LEKR1: variants seen among roughly 807,000 people sequenced by gnomAD.
LEKR1 encodes leucine, glutamate and lysine rich 1.
A neutral mutation model predicts 72.4 loss-of-function variants in LEKR1; 59 were observed. That is an observed-to-expected ratio of 0.82 (90% CI 0.66 to 1.01). The LOEUF (loss-of-function observed/expected upper bound fraction) is 1.01. Ranked by LOEUF, LEKR1 falls within the 50% of genes least tolerant of loss-of-function variation. The pLI, the probability that LEKR1 is intolerant of heterozygous loss-of-function variation, is 0.00. For missense variants in LEKR1, 728 were observed against 759.2 expected (o/e 0.96, Z 0.48); for synonymous variants, 257 against 263.2 (o/e 0.98, Z 0.23).
At chr3:156,899,393 TATATATAC>T (rs1285351339) in intron 3 of LEKR1, among the ~76,000 whole-genome samples, 41 of 98,988 alleles carry the variant, frequency 4.1e-4, no homozygotes, top group Admixed American at 1.3e-3. Context: ...TATATACATG[TATATATAC>T]ATATATACAT....
At chr3:156,938,623 C>T (rs1725931385) in intron 5 of LEKR1, among the ~76,000 whole-genome samples, 1 of 152,218 alleles carries the variant, frequency 6.6e-6, no homozygotes, top group Non-Finnish European at 1.5e-5. Context: ...ATCCACCTGC[C>T]TTGGCCTCCC....
chr3:156,959,472 A>G (rs1426391899), intron 6 of LEKR1, among the ~76,000 whole-genome samples: 4 of 152,150 alleles, frequency 2.6e-5, no homozygotes, highest in Non-Finnish European at 4.4e-5. Context: ...AAGTATCACA[A>G]TAAGGCTTCT....
At chr3:157,004,345 A>G (rs1732246954) in intron 9 of LEKR1, among the ~76,000 whole-genome samples, 1 of 152,196 alleles carries the variant, frequency 6.6e-6, no homozygotes, top group African/African-American at 2.4e-5. Context: ...ACTGGATGGA[A>G]TTCCAAGAAG....
intron 12 of LEKR1, among the ~76,000 whole-genome samples, chr3:157,028,943 T>C (rs1734403961): frequency 6.6e-6 from 1 of 152,206 alleles, no homozygotes; most frequent in Non-Finnish European, 1.5e-5. Flanking sequence ...CCTATTTTGA[T>C]TTGAAAACAT....
At chr3:156,867,461 A>G (rs185300668) in intron 3 of LEKR1, among the ~76,000 whole-genome samples, 1 of 152,186 alleles carries the variant, frequency 6.6e-6, no homozygotes, top group Non-Finnish European at 1.5e-5. Context: ...TGCCAATAGT[A>G]TGAAACTCTC....
At chr3:156,897,530 A>G (rs1372330690) in intron 3 of LEKR1, among the ~76,000 whole-genome samples, 1 of 151,822 alleles carries the variant, frequency 6.6e-6, no homozygotes, top group Admixed American at 6.6e-5. Context: ...GGACAACTCA[A>G]AGTGGTGGGG....
In LEKR1 at chr3:156,940,938, AT is replaced by A. The variant is rs1294160891; in HGVS notation, c.560-1590del. Among the ~76,000 whole-genome samples, 7 of 152,236 alleles carry A rather than the reference AT, an allele frequency of 4.6e-5. No homozygotes were observed. The East Asian group carries it at 1.4e-3, about 29-fold the overall frequency. ...AACATAGATATCGTTTTGGTATGTTATAGTTTATTCAGCCTTAAGAAGCCAC... is the reference window on the plus strand; with the variant it reads ...AACATAGATATCGTTTTGGTATGTTAAGTTTATTCAGCCTTAAGAAGCCAC... On this transcript the variant is annotated intron_variant, in intron 5 of 12. Transcript: ENST00000356539.
At chr3:156,976,064 G>A (rs1729662437) in intron 6 of LEKR1, among the ~76,000 whole-genome samples, 1 of 152,068 alleles carries the variant, frequency 6.6e-6, no homozygotes, top group Admixed American at 6.6e-5. Flanking sequence ...TCCTAATGGT[G>A]TTTCTTTATT....
intron 3 of LEKR1, among the ~76,000 whole-genome samples, chr3:156,919,403 G>A (rs1288036805): frequency 2.6e-5 from 4 of 152,128 alleles, no homozygotes; most frequent in Non-Finnish European, 5.9e-5. Context: ...CTTGGTTCAG[G>A]TGGACAGCTA....
At chr3:156,839,361 A>C (rs905666990) in intron 2 of LEKR1, among the ~76,000 whole-genome samples, 4 of 152,224 alleles carry the variant, frequency 2.6e-5, no homozygotes, top group African/African-American at 7.2e-5. Context: ...ACAGAACATT[A>C]CCAAAACCTT....
intron 6 of LEKR1, among the ~76,000 whole-genome samples, chr3:156,951,491 G>GT (rs373454112): frequency 1.5e-3 from 221 of 150,152 alleles, no homozygotes; most frequent in African/African-American, 4.7e-3. Flanking sequence ...AGCTCCTGGG[G>GT]TTTTTTTTTG....
chr3:156,983,197 A>G (rs1871967), intron 7 of LEKR1, among the ~76,000 whole-genome samples: 12,867 of 152,212 alleles, frequency 0.085, 603 homozygotes, highest in African/African-American at 0.11. Context: ...AAGGTAATAC[A>G]TAGAAAGGAT....
intron 2 of LEKR1, among the ~76,000 whole-genome samples, chr3:156,847,292 T>C (rs1714730068): frequency 6.6e-6 from 1 of 152,256 alleles, no homozygotes; most frequent in African/African-American, 2.4e-5. Flanking sequence ...ACACTGCATT[T>C]GAGAAGTTTG....
At chr3:156,883,360 C>G (rs1467417398) in intron 3 of LEKR1, among the ~76,000 whole-genome samples, 1 of 152,034 alleles carries the variant, frequency 6.6e-6, no homozygotes, top group Non-Finnish European at 1.5e-5. Flanking sequence ...GGGACTTACC[C>G]TGTCTCAGAT....
intron 2 of LEKR1, among the ~76,000 whole-genome samples, chr3:156,839,823 G>A (rs527390464): frequency 2.6e-5 from 4 of 152,290 alleles, no homozygotes; most frequent in Middle Eastern, 3.4e-3. Flanking sequence ...TAAAGCAAAC[G>A]TTGGAAGAAG....
chr3:156,866,711 A>ATGGC (rs1402769118), intron 3 of LEKR1, among the ~76,000 whole-genome samples: 2 of 151,910 alleles, frequency 1.3e-5, no homozygotes, highest in East Asian at 1.9e-4. Flanking sequence ...AGATGGCTGG[A>ATGGC]TGGCTGGCTG....
chr3:156,992,902 G>A (rs1332515248), intron 8 of LEKR1, among the ~76,000 whole-genome samples, 172 bp downstream of exon 8: 2 of 151,984 alleles, frequency 1.3e-5, no homozygotes, highest in East Asian at 3.8e-4. Context: ...TGTTGCCACT[G>A]CCTAGATGGG....
chr3:156,996,062 T>A (rs902686318), intron 9 of LEKR1, among the ~76,000 whole-genome samples: 4 of 152,110 alleles, frequency 2.6e-5, no homozygotes, highest in African/African-American at 9.7e-5. Flanking sequence ...ATTCAGCCAG[T>A]CTGTCAATTA....
chr3:157,018,705 C>T (rs1733580154), intron 10 of LEKR1, among the ~76,000 whole-genome samples: 1 of 152,124 alleles, frequency 6.6e-6, no homozygotes, highest in Non-Finnish European at 1.5e-5. Flanking sequence ...TGTAGTTGCT[C>T]TATGATCTTG....
Sources: gnomAD v4.1 joint callset for allele counts (sites outside exome capture counted in the v4.1 genomes callset) on GRCh38, gnomAD v4.1.1 for gene constraint, MANE v1.5 for transcripts, NCBI Gene and HGNC (gene_info 2026-07-23, HGNC 2026-07-21) for gene names.